AGBL4: variants seen among roughly 807,000 people sequenced by gnomAD.
AGBL4 encodes AGBL carboxypeptidase 4.
A neutral mutation model predicts 66.4 loss-of-function variants in AGBL4; 58 were observed. The ratio of observed to expected loss-of-function variants is 0.87; its 90% CI spans 0.71 to 1.09. The LOEUF (loss-of-function observed/expected upper bound fraction) is 1.09. AGBL4 is among the 50% of genes least tolerant of loss of function. AGBL4 has a pLI of 0.00. For missense variants in AGBL4, 579 were observed against 631.0 expected (o/e 0.92, Z 0.88); for synonymous variants, 234 against 222.9 (o/e 1.05, Z -0.44).
At chr1:48,587,288 C>T (rs1569897280) in intron 10 of AGBL4, 122 bp from the exon 11 acceptor site, 3 of 925,944 alleles carry the variant, frequency 3.2e-6, no homozygotes, top group Non-Finnish European at 4.8e-6. Context: ...ATTAGCCCCT[C>T]ATCACATGAT....
At chr1:49,027,517 T>G (rs1210707985) in intron 5 of AGBL4, among the ~76,000 whole-genome samples, 1 of 152,114 alleles carries the variant, frequency 6.6e-6, no homozygotes, top group African/African-American at 2.4e-5. Flanking sequence ...ATTTGAACCA[T>G]GACCTGCTCA....
chr1:49,846,111 C>G, intron 2 of AGBL4: 1 of 1,507,674 alleles, frequency 6.6e-7, no homozygotes, highest in Admixed American at 1.7e-5. Flanking sequence ...AGCCAGAGCT[C>G]CCTTCTCATC....
At chr1:48,816,486 G>T (rs893152261) in intron 6 of AGBL4, among the ~76,000 whole-genome samples, 1 of 152,150 alleles carries the variant, frequency 6.6e-6, no homozygotes, top group Admixed American at 6.5e-5. Flanking sequence ...GTTGAATGAG[G>T]TATAATAAGA....
chr1:49,446,064 C>G (rs1646149431), intron 3 of AGBL4, among the ~76,000 whole-genome samples: 1 of 152,068 alleles, frequency 6.6e-6, no homozygotes, highest in Admixed American at 6.6e-5. Flanking sequence ...GTTGGCCAGG[C>G]TGGTCTTAAA....
At chr1:49,511,410 T>G (rs1330810968) in intron 3 of AGBL4, among the ~76,000 whole-genome samples, 1 of 128,742 alleles carries the variant, frequency 7.8e-6, no homozygotes, top group Non-Finnish European at 1.6e-5. Context: ...AACAATGAGA[T>G]CACATGGACA....
chr1:49,281,800 AG>A (rs1414179395), intron 3 of AGBL4, among the ~76,000 whole-genome samples: 1 of 152,180 alleles, frequency 6.6e-6, no homozygotes, highest in Non-Finnish European at 1.5e-5. Flanking sequence ...AAGTGCTGGG[AG>A]GGTTGCTTGC....
intron 11 of AGBL4, among the ~76,000 whole-genome samples, chr1:48,544,643 G>A (rs1449075617): frequency 6.6e-6 from 1 of 152,148 alleles, no homozygotes; most frequent in Non-Finnish European, 1.5e-5. Context: ...CAGAAAAGGT[G>A]AAGAAACTTG....
chr1:49,587,360 T>C (rs969557710), intron 3 of AGBL4, among the ~76,000 whole-genome samples: 1 of 151,998 alleles, frequency 6.6e-6, no homozygotes, highest in African/African-American at 2.4e-5. Flanking sequence ...CTACTTTGAG[T>C]ACCTAGCCCA....
At chr1:49,460,441 T>C (rs1272959348) in intron 3 of AGBL4, among the ~76,000 whole-genome samples, 1 of 151,736 alleles carries the variant, frequency 6.6e-6, no homozygotes, top group East Asian at 1.9e-4. Context: ...TTACATGGAA[T>C]ATCTTTTTCC....
At chr1:49,371,328 T>C (rs1234898842) in intron 3 of AGBL4, among the ~76,000 whole-genome samples, 1 of 152,160 alleles carries the variant, frequency 6.6e-6, no homozygotes, top group Non-Finnish European at 1.5e-5. Context: ...TGGAGAATCC[T>C]GGCTAGTATA....
At chr1:48,880,225 T>C (rs1649649703) in intron 5 of AGBL4, among the ~76,000 whole-genome samples, 1 of 152,218 alleles carries the variant, frequency 6.6e-6, no homozygotes, top group Non-Finnish European at 1.5e-5. Flanking sequence ...TGTTTGGTTT[T>C]TCATTCCTGA....
intron 3 of AGBL4, among the ~76,000 whole-genome samples, chr1:49,401,529 G>A (rs1464871063): frequency 3.3e-5 from 5 of 152,082 alleles, no homozygotes; most frequent in East Asian, 1.9e-4. Context: ...TGTTCATGAC[G>A]AATGAACAAG....
intron 3 of AGBL4, among the ~76,000 whole-genome samples, chr1:49,344,585 T>C (rs1645603315): frequency 6.6e-6 from 1 of 152,150 alleles, no homozygotes; most frequent in African/African-American, 2.4e-5. Context: ...TTTCCATAAA[T>C]TGAACATTGG....
At position 49,697,322 on chromosome 1, in the gene AGBL4, T is replaced by C. The variant is rs1026476273; in HGVS notation, c.273A>G (p.Lys91=). ...CCACTATTTCCCTCACCTGTGATTCTTTCACATTTTCAACAGTAAAGTTGA... is the reference window on the plus strand; with the variant it reads ...CCACTATTTCCCTCACCTGTGATTCCTTCACATTTTCAACAGTAAAGTTGA... The part of the protein sequence containing the change: ...VWFNFTVENV[K]ESQRVIFNIV... Residue 91 remains lysine (K), a synonymous_variant, in exon 3 of 14, where the codon AAA becomes AAG. Transcript: ENST00000371839. 6.5e-7 allele frequency: 1 copy of C among 1,546,490 alleles called. No individual in the cohort carries two copies. The highest frequency in any genetic ancestry group is 1.4e-5 in the African/African-American group (1 of 72,956).
intron 6 of AGBL4, among the ~76,000 whole-genome samples, chr1:48,856,321 T>C (rs1485389975): frequency 6.6e-6 from 1 of 152,256 alleles, no homozygotes; most frequent in Non-Finnish European, 1.5e-5. Flanking sequence ...TGCAATTATG[T>C]AAATATGTTT....
intron 1 of AGBL4, among the ~76,000 whole-genome samples, chr1:49,902,166 A>T (rs537311926): frequency 6.6e-6 from 1 of 152,358 alleles, no homozygotes; most frequent in South Asian, 2.1e-4. Context: ...AGAAACTGCA[A>T]CAAAACCAAA....
At chr1:49,052,608 G>A (rs981759187) in intron 4 of AGBL4, among the ~76,000 whole-genome samples, 1 of 152,144 alleles carries the variant, frequency 6.6e-6, no homozygotes. Context: ...AATTCTGGGT[G>A]CTTTGGGATT....
chr1:49,337,628 C>T (rs908976458), intron 3 of AGBL4, among the ~76,000 whole-genome samples: 6 of 152,080 alleles, frequency 3.9e-5, no homozygotes, highest in African/African-American at 1.2e-4. Flanking sequence ...AGGTGGCCTG[C>T]GGCTCTTCAA....
chr1:49,222,920 T>A (rs1400910839), intron 4 of AGBL4, among the ~76,000 whole-genome samples: 1 of 152,118 alleles, frequency 6.6e-6, no homozygotes, highest in Non-Finnish European at 1.5e-5. Context: ...AAGACCTATA[T>A]CCTCAAACAA....
Sources: allele counts gnomAD v4.1 joint callset (sites outside exome capture counted in the v4.1 genomes callset), GRCh38; gene constraint gnomAD v4.1.1; transcripts MANE v1.5; gene names NCBI Gene and HGNC (gene_info 2026-07-23, HGNC 2026-07-21).